The following TNPO3 variants were observed in gnomAD, a reference collection of about 807,000 sequenced individuals.
TNPO3 encodes transportin-3.
In TNPO3, 65 loss-of-function variants were observed where a neutral mutation model predicts 122.8. That is an observed-to-expected ratio of 0.53 (90% CI 0.43 to 0.65). The LOEUF (loss-of-function observed/expected upper bound fraction) is 0.65. Among genes scored for constraint, TNPO3 ranks in the 30% least tolerant of loss-of-function variants. The pLI is 0.00. For missense variants in TNPO3, 850 were observed against 1,136.7 expected (o/e 0.75, Z 3.63); for synonymous variants, 372 against 411.2 (o/e 0.90, Z 1.15).
At chr7:129,037,498 T>C (rs538886636) in intron 1 of TNPO3, among the ~76,000 whole-genome samples, 1 of 152,194 alleles carries the variant, frequency 6.6e-6, no homozygotes, top group African/African-American at 2.4e-5. Context: ...GATGAGCATA[T>C]AGAACCCCTG....
chr7:129,045,775 CA>C, intron 1 of TNPO3, among the ~76,000 whole-genome samples: 1 of 152,182 alleles, frequency 6.6e-6, no homozygotes, highest in Middle Eastern at 3.2e-3. Context: ...GAAATGCCAC[CA>C]CATAACAGAC....
chr7:129,047,308 G>A (rs1808172142), intron 1 of TNPO3, among the ~76,000 whole-genome samples: 1 of 152,146 alleles, frequency 6.6e-6, no homozygotes, highest in Non-Finnish European at 1.5e-5. Context: ...TGAAGAGATG[G>A]TCTTTCCTTC....
At chr7:129,017,549 G>A (rs1803985412) in intron 2 of TNPO3, among the ~76,000 whole-genome samples, 2 of 152,162 alleles carry the variant, frequency 1.3e-5, no homozygotes, top group Admixed American at 1.3e-4. Flanking sequence ...ACACATGTGA[G>A]TACGTACTCA....
chr7:128,993,577 A>G (rs1181636173), intron 9 of TNPO3, among the ~76,000 whole-genome samples: 1 of 152,258 alleles, frequency 6.6e-6, no homozygotes, highest in Admixed American at 6.5e-5. Context: ...CAATCAGTGC[A>G]AGCATACAGA....
chr7:129,005,782 C>CTTTTTTTTT (rs1186834521), intron 4 of TNPO3, among the ~76,000 whole-genome samples: 2 of 132,266 alleles, frequency 1.5e-5, no homozygotes, highest in Non-Finnish European at 3.2e-5. Flanking sequence ...CTTTTCTTTT[C>CTTTTTTTTT]TTTTTTTTTT....
chr7:129,019,215 T>C (rs1002762803), intron 1 of TNPO3, among the ~76,000 whole-genome samples: 1 of 152,204 alleles, frequency 6.6e-6, no homozygotes, highest in Admixed American at 6.5e-5. Context: ...TATCGTGCAG[T>C]AGATTGTAGA....
At chr7:129,046,189 C>G (rs1207383624) in intron 1 of TNPO3, among the ~76,000 whole-genome samples, 1 of 108,148 alleles carries the variant, frequency 9.2e-6, no homozygotes, top group African/African-American at 3.6e-5. Flanking sequence ...GAGTGAGACT[C>G]CGTCTCAAAA....
At chr7:129,028,046 C>T (rs1461216399) in intron 1 of TNPO3, among the ~76,000 whole-genome samples, 2 of 152,116 alleles carry the variant, frequency 1.3e-5, no homozygotes, top group African/African-American at 4.8e-5. Context: ...CTAGAAATTT[C>T]CCAAATATGT....
intron 1 of TNPO3, among the ~76,000 whole-genome samples, chr7:129,027,372 C>T (rs1214558321): frequency 6.6e-6 from 1 of 151,710 alleles, no homozygotes; most frequent in Non-Finnish European, 1.5e-5. Context: ...ACTAACCTGA[C>T]TAATATGGTG....
chr7:129,009,075 C>A (rs1802898298), intron 4 of TNPO3, among the ~76,000 whole-genome samples: 1 of 152,102 alleles, frequency 6.6e-6, no homozygotes, highest in African/African-American at 2.4e-5. Flanking sequence ...TCTTAAAGTC[C>A]TCAAAAGCTT....
intron 21 of TNPO3, among the ~76,000 whole-genome samples, chr7:128,958,369 T>C (rs1024245738): frequency 8.5e-5 from 13 of 152,092 alleles, no homozygotes; most frequent in Non-Finnish European, 1.6e-4. Flanking sequence ...GGTCTCGAAC[T>C]CCTGACCTTG....
Position 129,054,677 on chromosome 7 carries a change from A to G in TNPO3, c.94T>C (p.Phe32Leu), listed in dbSNP as rs770515769. 6.2e-7 allele frequency: 1 copy of G among 1,614,056 alleles called. No individual in the cohort carries two copies. The highest frequency in any genetic ancestry group is 8.5e-7 in the Non-Finnish European group (1 of 1,180,004). ...PDPSGKERASFWLGELQRSVH... is the reference protein window; with the variant it reads ...PDPSGKERASLWLGELQRSVH... ...GAACGCTGCAGCTCCCCAAGCCAAA[A>G]AGAGGCGCGCTCCTTTCCGCTGGGA... Residue 32 changes from phenylalanine (F) to leucine (L), a missense_variant, in exon 1 of 23, where the codon TTT becomes CTT. Phe to Leu is a conservative substitution (Grantham distance 22). Transcript: ENST00000265388.
At chr7:129,000,319 C>T in intron 7 of TNPO3, 110 bp downstream of exon 7, 1 of 1,201,324 alleles carries the variant, frequency 8.3e-7, no homozygotes, top group South Asian at 2.2e-5. Flanking sequence ...TAATTAAAAA[C>T]AAGACTGTAA....
Position 128,973,690 on chromosome 7 carries a change from CACG to C in TNPO3, c.2274-1111_2274-1109del, listed in dbSNP as rs1462774794. On this transcript the variant is annotated intron_variant, in intron 18 of 22. Coordinates refer to ENST00000265388, the MANE Select transcript of TNPO3 (RefSeq NM_012470.4). ...GGCAGAGCTTGCAGTGAGCCAAGAT[CACG>C]CCACTGCACTCCAGCCTGGGCGACA... is the stretch of plus-strand genomic sequence containing the variant. Among the ~76,000 whole-genome samples the C allele has an allele frequency of 5.1e-5, 6 of 116,664 alleles. No individual in the cohort carries two copies. In the Admixed American group the frequency reaches 7.1e-4, roughly 14 times the overall value. The allele number at this position is 116,664 out of a possible 152,430, so 76.5% of individuals were successfully genotyped here. A position where few individuals can be genotyped will look rare whatever the true frequency, so the allele number is the denominator to read the frequency against.
rs944698357 is a variant in TNPO3 at position 128,970,305 on chromosome 7, T to C, written c.2441A>G (p.Asp814Gly). Residue 814 changes from aspartate to glycine, a missense_variant, in exon 20 of 23, where the codon GAC (aspartate) becomes GGC (glycine). Asp to Gly is a moderately conservative substitution (Grantham distance 94). Transcript: ENST00000265388. Reference sequence around the variant, plus strand: ...AATCAGTTCTTTCCGTAATTCAAAGTCTTCTTCATGCTGTATGTAGGAAAG... The same window carrying C: ...AATCAGTTCTTTCCGTAATTCAAAGCCTTCTTCATGCTGTATGTAGGAAAG... ...HTGVANDHEE[D>G]FELRKELIGQ... The C allele has an allele frequency of 5.0e-6, 8 of 1,600,064 alleles. No homozygotes were observed. Among genetic ancestry groups the C allele is most frequent in the African/African-American group, 1.3e-5 (1 of 74,526 alleles).
At chr7:128,977,552 C>A (rs1211290881) in intron 16 of TNPO3, among the ~76,000 whole-genome samples, 2 of 152,168 alleles carry the variant, frequency 1.3e-5, no homozygotes, top group East Asian at 3.9e-4. Context: ...GTTGAGGGCA[C>A]CTATGATGCA....
chr7:128,993,874 C>A lies in TNPO3; in HGVS notation c.1199G>T (p.Arg400Leu). The change falls in exon 9 of 23, where the codon CGC becomes CTC. Residue 400 changes from arginine (R) to leucine (L), a missense_variant. Arg to Leu is a moderately radical substitution (Grantham distance 102). Coordinates refer to ENST00000265388, the MANE Select transcript of TNPO3 (RefSeq NM_012470.4). ...CTTTACCAGGTCTGATACCCTCATGCGAAACTCCCCAAAGTCATCAGTCTC... is the reference window on the plus strand; with the variant it reads ...CTTTACCAGGTCTGATACCCTCATGAGAAACTCCCCAAAGTCATCAGTCTC... ...PEETDDFGEF[R>L]MRVSDLVKDL... 2 of 1,614,044 alleles carry A rather than the reference C, an allele frequency of 1.2e-6. No homozygotes were observed. Among genetic ancestry groups the A allele is most frequent in the Non-Finnish European group, 1.7e-6 (2 of 1,180,002 alleles).
chr7:129,014,778 G>A (rs917895085), intron 4 of TNPO3, among the ~76,000 whole-genome samples: 2 of 152,098 alleles, frequency 1.3e-5, no homozygotes, highest in Admixed American at 6.6e-5. Flanking sequence ...AAGAGATAAC[G>A]TCACCTTTAG....
chr7:128,994,316 C>A (rs1385341376), intron 8 of TNPO3, among the ~76,000 whole-genome samples: 2 of 152,088 alleles, frequency 1.3e-5, no homozygotes, highest in African/African-American at 4.8e-5. Flanking sequence ...CGCCACCACA[C>A]CCGACTAATT....
Sources: allele counts gnomAD v4.1 joint callset (sites outside exome capture counted in the v4.1 genomes callset), GRCh38; gene constraint gnomAD v4.1.1; transcripts MANE v1.5; gene names NCBI Gene and HGNC (gene_info 2026-07-23, HGNC 2026-07-21).